RASSF5: variants seen among roughly 807,000 people sequenced by gnomAD.
The protein encoded by RASSF5 is Ras association domain family member 5.
A neutral mutation model predicts 40.5 loss-of-function variants in RASSF5; 25 were observed. The observed-to-expected ratio is 0.62, with a 90% CI of 0.45 to 0.86. RASSF5 has a LOEUF of 0.86. Ranked by LOEUF, RASSF5 falls within the 40% of genes least tolerant of loss-of-function variation. RASSF5 has a pLI of 0.00. For synonymous variants in RASSF5, 246 were observed against 252.4 expected, an observed-to-expected ratio of 0.97 and a Z score of 0.24; for missense variants, 521 against 572.8, an observed-to-expected ratio of 0.91 and a Z score of 0.92.
In RASSF5 at chr1:206,507,843, C is replaced by G. The variant is rs782542315; in HGVS notation, c.241C>G (p.Arg81Gly). Residue 81 changes from arginine to glycine, a missense_variant, in exon 1 of 6, where the codon CGC becomes GGC. Arg to Gly is a moderately radical substitution (Grantham distance 125, BLOSUM62 -2). Coordinates refer to ENST00000579436, the MANE Select transcript of RASSF5 (RefSeq NM_182663.4). ...EPPPRASRPA[R>G]PLRPGLQQRL... Reference sequence around the variant, plus strand: ...CCCGCCCCGGGCCTCCCGACCCGCTCGCCCGCTCCGGCCTGGTCTGCAGCA... The same window carrying G: ...CCCGCCCCGGGCCTCCCGACCCGCTGGCCCGCTCCGGCCTGGTCTGCAGCA... 6.4e-5 allele frequency: 93 copies of G among 1,449,302 alleles called. 1 individual carries two copies. In the South Asian group the frequency reaches 9.9e-4, roughly 15 times the overall value. The allele number at this position is 1,449,302 out of a possible 1,614,324, so 89.8% of individuals were successfully genotyped here.
At chr1:206,509,187 C>G (rs970707376) in intron 1 of RASSF5, among the ~76,000 whole-genome samples, 3 of 152,270 alleles carry the variant, frequency 2.0e-5, no homozygotes, top group African/African-American at 7.2e-5. Flanking sequence ...CGTCTCCCAT[C>G]CAACTGCAGC....
intron 1 of RASSF5, among the ~76,000 whole-genome samples, chr1:206,516,912 C>T (rs1228225452): frequency 1.3e-5 from 2 of 152,110 alleles, no homozygotes; most frequent in African/African-American, 4.8e-5. Context: ...GAACTTGGCC[C>T]CCACCCCTTG....
chr1:206,588,741 C>T lies in RASSF5; in HGVS notation c.*1763C>T, dbSNP rs1248927954. 2.0e-5 allele frequency: 3 copies of T among 152,706 alleles called. No individual in the cohort carries two copies. Among genetic ancestry groups the T allele is most frequent in the African/African-American group, 7.2e-5 (3 of 41,416 alleles). The allele number at this position is 152,706 out of a possible 1,614,324, so 9.5% of individuals were successfully genotyped here. On this transcript the variant is annotated 3_prime_UTR_variant, in exon 6 of 6. Coordinates refer to ENST00000579436, the MANE Select transcript of RASSF5 (RefSeq NM_182663.4). ...CTAAGATTTTTTTAAACCACAAAAA[C>T]CCTGGTTAGCCATCTCATGCTCAGC...
chr1:206,583,949 A>G (rs1553406917), intron 3 of RASSF5, among the ~76,000 whole-genome samples: 45 of 152,162 alleles, frequency 3.0e-4, no homozygotes, highest in Non-Finnish European at 5.9e-5. Flanking sequence ...TTAAGTCTTA[A>G]AGGCTGTTTC....
At chr1:206,546,087 C>CTTTTTT (rs1667678821) in intron 2 of RASSF5, among the ~76,000 whole-genome samples, 2 of 26,448 alleles carry the variant, frequency 7.6e-5, no homozygotes, top group African/African-American at 2.9e-4. Flanking sequence ...TCTTCTTTTT[C>CTTTTTT]TATTTTTTTT....
chr1:206,588,745 G>T lies in RASSF5; in HGVS notation c.*1767G>T, dbSNP rs1176978969. The T allele has an allele frequency of 6.5e-6, 1 of 152,696 alleles. No homozygotes were observed. Among genetic ancestry groups the T allele is most frequent in the Non-Finnish European group, 1.5e-5 (1 of 68,032 alleles). 9.5% of individuals were successfully genotyped at this position (152,696 alleles called of 1,614,324 possible). A position where few individuals can be genotyped will look rare whatever the true frequency, so the allele number is the denominator to read the frequency against. On this transcript the variant is annotated 3_prime_UTR_variant, in exon 6 of 6. Coordinates refer to ENST00000579436, the MANE Select transcript of RASSF5 (RefSeq NM_182663.4). ...GATTTTTTTAAACCACAAAAACCCTGGTTAGCCATCTCATGCTCAGCCTTA... is the reference window on the plus strand; with the variant it reads ...GATTTTTTTAAACCACAAAAACCCTTGTTAGCCATCTCATGCTCAGCCTTA...
Position 206,585,393 on chromosome 1 carries a change from C to A in RASSF5, c.1104+98C>A, listed in dbSNP as rs1249165937. 5 of 834,284 alleles carry A rather than the reference C, an allele frequency of 6.0e-6. No individual in the cohort carries two copies. In the East Asian group the frequency reaches 7.3e-5, roughly 12 times the overall value. The allele number at this position is 834,284 out of a possible 1,614,324, so 51.7% of individuals were successfully genotyped here. ...CTACCTCACATAGGTGGGAGCCACG[C>A]AGCACGGGCAGGAAGGTGACTGTTG... On this transcript the variant is annotated intron_variant, in intron 5 of 5. Transcript: ENST00000579436.
chr1:206,582,591 G>A (rs782303006), intron 2 of RASSF5, among the ~76,000 whole-genome samples: 1 of 152,186 alleles, frequency 6.6e-6, no homozygotes, highest in Non-Finnish European at 1.5e-5. Flanking sequence ...GCCCAGTAGC[G>A]GTTTATCTCC....
chr1:206,577,544 C>T (rs782817524), intron 2 of RASSF5, among the ~76,000 whole-genome samples: 9 of 152,164 alleles, frequency 5.9e-5, no homozygotes, highest in Non-Finnish European at 1.3e-4. Context: ...CTGACTTTCT[C>T]AAGATCATGT....
intron 2 of RASSF5, among the ~76,000 whole-genome samples, chr1:206,559,025 A>G (rs1226944845): frequency 1.3e-5 from 2 of 152,184 alleles, no homozygotes; most frequent in South Asian, 2.1e-4. Context: ...GTGGTTATCA[A>G]TCTTAGCTAC....
intron 2 of RASSF5, among the ~76,000 whole-genome samples, chr1:206,549,205 A>G (rs1553400716): frequency 6.6e-6 from 1 of 151,894 alleles, no homozygotes; most frequent in East Asian, 1.9e-4. Context: ...TGTGTCTTCA[A>G]GTTTGTTAAT....
At chr1:206,575,565 A>T (rs1668609890) in intron 2 of RASSF5, among the ~76,000 whole-genome samples, 1 of 152,090 alleles carries the variant, frequency 6.6e-6, no homozygotes, top group South Asian at 2.1e-4. Context: ...TAGATTGGTT[A>T]TTCCTGCTGC....
Position 206,560,467 on chromosome 1 carries a change from G to T in RASSF5, c.579+22174G>T, listed in dbSNP as rs1668107634. On this transcript the variant is annotated intron_variant, in intron 2 of 5. Coordinates refer to ENST00000579436, the MANE Select transcript of RASSF5 (RefSeq NM_182663.4). The surrounding 1 kb of genome is among the most constrained non-coding windows in gnomAD (Gnocchi z 5.1). ...GGCACCAGGCCCTGGGCCCTAGCTT[G>T]GTCTCTCTTTTCAGAAAATGGCAGT... 6.6e-6 allele frequency among the ~76,000 whole-genome samples: 1 copy of T among 152,200 alleles called. No individual in the cohort carries two copies. The highest frequency in any genetic ancestry group is 6.5e-5 in the Admixed American group (1 of 15,284).
chr1:206,553,157 G>A (rs928929408), intron 2 of RASSF5, among the ~76,000 whole-genome samples: 17 of 151,970 alleles, frequency 1.1e-4, no homozygotes, highest in Admixed American at 5.2e-4. Context: ...AGATGAGATC[G>A]CGCCACTGCA....
At chr1:206,509,409 A>T (rs1553394335) in intron 1 of RASSF5, among the ~76,000 whole-genome samples, 2 of 152,230 alleles carry the variant, frequency 1.3e-5, no homozygotes, top group Non-Finnish European at 1.5e-5. Context: ...TCAGGTGCTA[A>T]TTAAGAAGGA....
rs1028490306 is a variant in RASSF5 at position 206,561,040 on chromosome 1, G to A, written c.580-22229G>A. ...CCATTTAAGGCTTTGACATCTGAGCGGGAACACAGGCGTTCTGAACTCTTG... is the reference window on the plus strand; with the variant it reads ...CCATTTAAGGCTTTGACATCTGAGCAGGAACACAGGCGTTCTGAACTCTTG... On this transcript the variant is annotated intron_variant, in intron 2 of 5. Transcript: ENST00000579436. Among the ~76,000 whole-genome samples the A allele has an allele frequency of 2.6e-5, 4 of 152,308 alleles. No homozygotes were observed. The South Asian group carries it at 6.2e-4, about 24-fold the overall frequency.
intron 1 of RASSF5, among the ~76,000 whole-genome samples, chr1:206,520,332 C>T (rs941189924): frequency 6.6e-6 from 1 of 152,160 alleles, no homozygotes; most frequent in Admixed American, 6.5e-5. Context: ...GGTGGCCGGG[C>T]GCGGTGGCTC....
chr1:206,558,540 G>A (rs1668055342), intron 2 of RASSF5, among the ~76,000 whole-genome samples: 2 of 152,152 alleles, frequency 1.3e-5, no homozygotes, highest in Non-Finnish European at 1.5e-5. Flanking sequence ...GTTATATTTC[G>A]CAGGTGTGTG....
chr1:206,538,206 C>A lies in RASSF5; in HGVS notation c.492C>A (p.Ser164Arg), dbSNP rs782762921. 2 of 1,614,218 alleles carry A rather than the reference C, an allele frequency of 1.2e-6. No homozygotes were observed. Among genetic ancestry groups the A allele is most frequent in the Non-Finnish European group, 1.7e-6 (2 of 1,180,038 alleles). Residue 164 changes from serine to arginine, a missense_variant, in exon 2 of 6, where the codon AGC (serine) becomes AGA (arginine). By Grantham distance (110) the Ser-to-Arg change is moderately radical. Coordinates refer to ENST00000579436, the MANE Select transcript of RASSF5 (RefSeq NM_182663.4). ...TCACCTGTCACCCAGAATGCCGCAGCCTGATCCAGTTGGACTGCAGTCAGC... is the reference window on the plus strand; with the variant it reads ...TCACCTGTCACCCAGAATGCCGCAGACTGATCCAGTTGGACTGCAGTCAGC... ...CKFTCHPECRSLIQLDCSQQE... is the reference protein window; with the variant it reads ...CKFTCHPECRRLIQLDCSQQE...
Sources: allele counts gnomAD v4.1 joint callset (sites outside exome capture counted in the v4.1 genomes callset), GRCh38; gene constraint gnomAD v4.1.1; non-coding constraint Gnocchi (gnomAD v3.1); transcripts MANE v1.5; gene names NCBI Gene and HGNC (gene_info 2026-07-23, HGNC 2026-07-21).